The following ABCB5 variants were observed in gnomAD, a reference collection of about 807,000 sequenced individuals.
ABCB5 encodes ATP binding cassette subfamily B member 5.
Under a neutral mutation model 144.2 loss-of-function variants are expected in ABCB5, and 155 were observed. The ratio of observed to expected loss-of-function variants is 1.08; its 90% CI spans 0.94 to 1.23. The LOEUF is 1.23. Ranked by LOEUF, ABCB5 falls within the 50% of genes most tolerant of loss-of-function variation. The pLI is 0.00. For synonymous variants in ABCB5, 610 were observed against 528.6 expected, an observed-to-expected ratio of 1.15 and a Z score of -2.11; for missense variants, 1,830 against 1,520.8, an observed-to-expected ratio of 1.20 and a Z score of -3.38.
intron 21 of ABCB5, among the ~76,000 whole-genome samples, chr7:20,726,766 A>C (rs1306866143): frequency 6.6e-6 from 1 of 152,232 alleles, no homozygotes; most frequent in Non-Finnish European, 1.5e-5. Flanking sequence ...CTATGGAACA[A>C]GTTTAAATTG....
intron 20 of ABCB5, among the ~76,000 whole-genome samples, chr7:20,715,599 A>G (rs1781647742): frequency 6.6e-6 from 1 of 151,712 alleles, no homozygotes; most frequent in Non-Finnish European, 1.5e-5. Flanking sequence ...ATGTAGAGAC[A>G]GAGTCTTGCA....
chr7:20,623,527 A>C (rs1783844437), intron 2 of ABCB5, among the ~76,000 whole-genome samples, 189 bp downstream of exon 2: 1 of 152,192 alleles, frequency 6.6e-6, no homozygotes, highest in South Asian at 2.1e-4. Flanking sequence ...CAATAGGATT[A>C]ATTGTAATAG....
intron 13 of ABCB5, among the ~76,000 whole-genome samples, chr7:20,655,330 G>A (rs1784747628): frequency 6.6e-6 from 1 of 152,010 alleles, no homozygotes; most frequent in African/African-American, 2.4e-5. Flanking sequence ...AAAATTAGCT[G>A]GGTGTGGTGG....
At chr7:20,699,742 C>T (rs1786548885) in intron 17 of ABCB5, 83 bp from the exon 18 acceptor site, 2 of 836,344 alleles carry the variant, frequency 2.4e-6, no homozygotes, top group Non-Finnish European at 3.7e-6. Context: ...TATTTTAAAA[C>T]TCCTGATATA....
At chr7:20,677,040 A>T (rs1363946047) in intron 14 of ABCB5, among the ~76,000 whole-genome samples, 1 of 152,236 alleles carries the variant, frequency 6.6e-6, no homozygotes, top group African/African-American at 2.4e-5. Context: ...ATTAATTATT[A>T]TAGTTACATC....
intron 14 of ABCB5, chr7:20,659,097 T>G (rs750652234): frequency 1.1e-5 from 17 of 1,614,036 alleles, no homozygotes; most frequent in Non-Finnish European, 1.4e-5. Context: ...TGACCTAATT[T>G]CACCTCAAGT....
intron 26 of ABCB5, among the ~76,000 whole-genome samples, chr7:20,748,913 A>G (rs1056265977): frequency 6.6e-6 from 1 of 152,158 alleles, no homozygotes; most frequent in African/African-American, 2.4e-5. Context: ...AGAATTATTT[A>G]GCAAATTGAA....
At chr7:20,628,864 T>A in intron 4 of ABCB5, 26 bp downstream of exon 4, 1 of 1,610,490 alleles carries the variant, frequency 6.2e-7, no homozygotes, top group Non-Finnish European at 8.5e-7. Context: ...TTTTTCTGTA[T>A]CACTTAAGAC....
At position 20,636,520 on chromosome 7, in the gene ABCB5, C is replaced by A. The variant is rs149752158; in HGVS notation, c.314+4407C>A. Among the ~76,000 whole-genome samples, 1,265 of 152,038 alleles carry A rather than the reference C, an allele frequency of 8.3e-3. 15 individuals are homozygous for A. Among genetic ancestry groups the A allele is most frequent in the Non-Finnish European group, 0.014 (945 of 67,976 alleles). The stretch of plus-strand genomic sequence containing the variant: ...ATTACTGAGACCAGCTGCAATGGCT[C>A]ACTCCTGTAATCCCAACATTTTAGG... On this transcript the variant is annotated intron_variant, in intron 5 of 27. Transcript: ENST00000404938.
intron 19 of ABCB5, among the ~76,000 whole-genome samples, chr7:20,704,091 T>TTTTTTTTTTTTTTTA (rs1786732174): frequency 6.9e-6 from 1 of 144,422 alleles, no homozygotes; most frequent in African/African-American, 2.6e-5. Context: ...TTTTTTTTTT[T>TTTTTTTTTTTTTTTA]GTGAGACAGG....
At chr7:20,715,815 G>T (rs1436759720) in intron 20 of ABCB5, among the ~76,000 whole-genome samples, 1 of 151,856 alleles carries the variant, frequency 6.6e-6, no homozygotes, top group East Asian at 1.9e-4. Flanking sequence ...CGCCTCCCGG[G>T]TTCAAGCGAC....
intron 11 of ABCB5, among the ~76,000 whole-genome samples, chr7:20,649,030 G>A (rs1204403452): frequency 6.6e-6 from 1 of 152,152 alleles, no homozygotes; most frequent in Non-Finnish European, 1.5e-5. Context: ...TGTTCTTTGG[G>A]TTTTAAACAA....
chr7:20,651,595 CGT>C lies in ABCB5; in HGVS notation c.1509_1510del (p.Tyr504Ter), dbSNP rs1784593129. On this transcript the variant is annotated frameshift_variant, in exon 13 of 28. Transcript: ENST00000404938. LOFTEE classifies it high-confidence loss of function. ...GAGAGAGCAGCAAGGGAAGCAAATG[CGT>C]ATGATTTTATCATGGAGTTTCCTAA... is the stretch of plus-strand genomic sequence containing the variant. 1 of 1,613,912 alleles carries C rather than the reference CGT, an allele frequency of 6.2e-7. No homozygotes were observed. The highest frequency in any genetic ancestry group is 1.1e-5 in the South Asian group (1 of 91,076).
At chr7:20,730,028 T>G (rs1782158148) in intron 23 of ABCB5, among the ~76,000 whole-genome samples, 1 of 152,196 alleles carries the variant, frequency 6.6e-6, no homozygotes, top group Non-Finnish European at 1.5e-5. Context: ...ACATGAAAAT[T>G]TATTTATTTA....
intron 5 of ABCB5, among the ~76,000 whole-genome samples, chr7:20,634,163 T>C (rs1784099959): frequency 7.2e-6 from 1 of 138,792 alleles, no homozygotes; most frequent in African/African-American, 2.8e-5. Flanking sequence ...TAATGGCCTC[T>C]TGATCCATCC....
chr7:20,666,427 C>G (rs1468465281), intron 14 of ABCB5, among the ~76,000 whole-genome samples: 1 of 152,158 alleles, frequency 6.6e-6, no homozygotes, highest in Non-Finnish European at 1.5e-5. Context: ...CCTTTCTTTT[C>G]CTGCTGCCCT....
At chr7:20,659,131 G>C (rs1351299231) in intron 14 of ABCB5, 1 of 1,613,930 alleles carries the variant, frequency 6.2e-7, no homozygotes, top group Admixed American at 1.7e-5. Flanking sequence ...CCTTGAACCA[G>C]CGCCCTTCGA....
At chr7:20,620,147 A>G (rs1325024212) in intron 1 of ABCB5, among the ~76,000 whole-genome samples, 2 of 152,128 alleles carry the variant, frequency 1.3e-5, no homozygotes, top group East Asian at 3.8e-4. Context: ...TTGCTTATAG[A>G]TTAGAAAATA....
At chr7:20,643,987 A>G (rs117354657) in intron 7 of ABCB5, among the ~76,000 whole-genome samples, 10,752 of 152,280 alleles carry the variant, frequency 0.071, 496 homozygotes, top group Admixed American at 0.1. Context: ...TCACAGATCA[A>G]CATGGTACGA....
Sources: allele counts gnomAD v4.1 joint callset (sites outside exome capture counted in the v4.1 genomes callset), GRCh38; gene constraint gnomAD v4.1.1; transcripts MANE v1.5; gene names NCBI Gene and HGNC (gene_info 2026-07-23, HGNC 2026-07-21).